PSD2: variants seen among roughly 807,000 people sequenced by gnomAD.
The protein encoded by PSD2 is pleckstrin and Sec7 domain containing 2.
In PSD2, 38 loss-of-function variants were observed where a neutral mutation model predicts 69.8. The ratio of observed to expected loss-of-function variants is 0.54; its 90% CI spans 0.42 to 0.71. The LOEUF is 0.71. Among genes scored for constraint, PSD2 ranks in the 30% least tolerant of loss-of-function variants. PSD2 has a pLI of 0.00. For missense variants in PSD2, 943 were observed against 1,014.5 expected (o/e 0.93, Z 0.96); for synonymous variants, 412 against 423.0 (o/e 0.97, Z 0.32).
chr5:139,771,513 G>C, the PSD2 span, among the ~76,000 whole-genome samples: 1 of 152,136 alleles, frequency 6.6e-6, no homozygotes, highest in South Asian at 2.1e-4. Flanking sequence ...CGAGTAGCTG[G>C]GACTACAGGC....
At chr5:139,802,422 G>T (rs1488817227) in intron 1 of PSD2, among the ~76,000 whole-genome samples, 3 of 151,954 alleles carry the variant, frequency 2.0e-5, no homozygotes, top group Non-Finnish European at 4.4e-5. Context: ...AGGCTGGGCT[G>T]GTTGGGAGGA....
chr5:139,840,344 G>A lies in PSD2; in HGVS notation c.2112+174G>A, dbSNP rs538731113. 3.9e-5 allele frequency among the ~76,000 whole-genome samples: 6 copies of A among 152,328 alleles called. No individual in the cohort carries two copies. The East Asian group carries it at 1.2e-3, about 29-fold the overall frequency. On this transcript the variant is annotated intron_variant, in intron 14 of 14. Coordinates refer to ENST00000274710, the MANE Select transcript of PSD2 (RefSeq NM_032289.4). ...AGTCCCCAGTCCTTCCAGAGTGCCA[G>A]CCTTCCCTGACAGCAGTGAGGGGCA... is the stretch of plus-strand genomic sequence containing the variant.
the PSD2 span, among the ~76,000 whole-genome samples, chr5:139,790,575 G>A: frequency 1.3e-5 from 2 of 152,216 alleles, no homozygotes; most frequent in African/African-American, 4.8e-5. Context: ...AAACATGACA[G>A]TGAGGAGTCC....
the PSD2 span, among the ~76,000 whole-genome samples, chr5:139,750,758 G>A: frequency 6.6e-6 from 1 of 152,178 alleles, no homozygotes; most frequent in Admixed American, 6.5e-5. Context: ...AGGAACCCTT[G>A]TGGGGCCTGG....
chr5:139,785,447 C>A, the PSD2 span, among the ~76,000 whole-genome samples: 1 of 152,172 alleles, frequency 6.6e-6, no homozygotes, highest in African/African-American at 2.4e-5. Flanking sequence ...TGGTCTTGAA[C>A]TTCTGACCTC....
chr5:139,822,958 A>G (rs1760310106), intron 7 of PSD2, among the ~76,000 whole-genome samples, 174 bp downstream of exon 7: 1 of 152,012 alleles, frequency 6.6e-6, no homozygotes, highest in Non-Finnish European at 1.5e-5. Context: ...TCCACCTGTG[A>G]TCCACCTGAG....
chr5:139,813,821 GCAAA>G, intron 3 of PSD2, 63 bp downstream of exon 3: 2 of 1,425,906 alleles, frequency 1.4e-6, no homozygotes, highest in Non-Finnish European at 1.9e-6. Context: ...CCCAGAGGGG[GCAAA>G]GCAGGTTAGG....
chr5:139,811,292 G>A (rs1470697885), intron 2 of PSD2, among the ~76,000 whole-genome samples: 1 of 152,116 alleles, frequency 6.6e-6, no homozygotes, highest in African/African-American at 2.4e-5. Flanking sequence ...GAGTGGGAGT[G>A]CCTTCTCCAG....
intron 8 of PSD2, among the ~76,000 whole-genome samples, chr5:139,834,549 C>T (rs1760670847): frequency 6.6e-6 from 1 of 151,930 alleles, no homozygotes; most frequent in Non-Finnish European, 1.5e-5. Flanking sequence ...AATCCTCACA[C>T]CTCAGCCTCC....
upstream of PSD2, among the ~76,000 whole-genome samples, chr5:139,791,175 A>C (rs1581701381): frequency 6.6e-6 from 1 of 152,252 alleles, no homozygotes; most frequent in East Asian, 1.9e-4. Flanking sequence ...CACACCTGTA[A>C]TCCTAGCACT....
intron 1 of PSD2, among the ~76,000 whole-genome samples, chr5:139,805,004 TGTGTGTGA>T (rs932163887): frequency 3.3e-5 from 5 of 151,244 alleles, no homozygotes; most frequent in African/African-American, 1.2e-4. Context: ...TGTCTCTGTG[TGTGTGTGA>T]GTGTGTGCGT....
At chr5:139,757,444 A>G in the PSD2 span, among the ~76,000 whole-genome samples, 3 of 152,192 alleles carry the variant, frequency 2.0e-5, no homozygotes, top group Admixed American at 6.5e-5. Context: ...TGTAGTGTGG[A>G]TGGGTGTTTT....
In PSD2 at chr5:139,814,510, G is replaced by A; in HGVS notation, c.1016+146G>A. The stretch of plus-strand genomic sequence containing the variant: ...CCCAAGGACACCTCCTCCCGCCACT[G>A]TCCTCATTCCTGGCCTCGCCCTAAA... On this transcript the variant is annotated intron_variant, in intron 4 of 14. Transcript: ENST00000274710. The surrounding 1 kb of genome is among the most constrained non-coding windows in gnomAD (Gnocchi z 4.4). 3 of 704,512 alleles carry A rather than the reference G, an allele frequency of 4.3e-6. No homozygotes were observed. The highest frequency in any genetic ancestry group is 3.5e-5 in the Admixed American group (1 of 28,810). The allele number at this position is 704,512 out of a possible 1,614,324, so 43.6% of individuals were successfully genotyped here. A position where few individuals can be genotyped will look rare whatever the true frequency, so the allele number is the denominator to read the frequency against.
At position 139,809,545 on chromosome 5, in the gene PSD2, C is replaced by T; in HGVS notation, c.105C>T (p.Ala35=). ...EEEPGVRNGM[A]SEGLNSSLCS... is the part of the protein sequence containing the mutation. ...AGCCAGGGGTCCGGAATGGGATGGCCAGTGAGGGCCTGAACAGCAGCCTCT... is the reference window on the plus strand; with the variant it reads ...AGCCAGGGGTCCGGAATGGGATGGCTAGTGAGGGCCTGAACAGCAGCCTCT... The change falls in exon 2 of 15, where the codon GCC becomes GCT. Residue 35 remains alanine (A), a synonymous_variant. Coordinates refer to ENST00000274710, the MANE Select transcript of PSD2 (RefSeq NM_032289.4). 6.2e-7 allele frequency: 1 copy of T among 1,613,690 alleles called. No homozygotes were observed. Among genetic ancestry groups the T allele is most frequent in the South Asian group, 1.1e-5 (1 of 91,002 alleles).
chr5:139,819,510 G>A (rs1408128629), intron 5 of PSD2, among the ~76,000 whole-genome samples: 1 of 152,128 alleles, frequency 6.6e-6, no homozygotes, highest in Non-Finnish European at 1.5e-5. Flanking sequence ...GGGAAAAGTG[G>A]CCATGTGTTT....
the PSD2 span, among the ~76,000 whole-genome samples, chr5:139,773,171 C>T: frequency 6.6e-6 from 1 of 152,170 alleles, no homozygotes; most frequent in Non-Finnish European, 1.5e-5. Flanking sequence ...AAAACTGAAA[C>T]TCTGAACTCA....
At chr5:139,836,757 G>T in intron 9 of PSD2, 54 bp from the exon 10 acceptor site, 1 of 1,529,858 alleles carries the variant, frequency 6.5e-7, no homozygotes, top group South Asian at 1.2e-5. Context: ...AGGCCATGAC[G>T]ATGCGGGGCC....
intron 1 of PSD2, among the ~76,000 whole-genome samples, chr5:139,807,912 G>T (rs779238761): frequency 1.3e-5 from 2 of 152,202 alleles, no homozygotes; most frequent in Non-Finnish European, 1.5e-5. Context: ...CTTCTGGTTC[G>T]GGAGGTCTGG....
rs899549886 is a variant in PSD2, at chr5:139,839,734, G to A, written c.1969-293G>A. On this transcript the variant is annotated intron_variant, in intron 13 of 14. Coordinates refer to ENST00000274710, the MANE Select transcript of PSD2 (RefSeq NM_032289.4). The surrounding 1 kb of genome is among the most constrained non-coding windows in gnomAD (Gnocchi z 5.1). Reference sequence around the variant, plus strand: ...TGGGGGTCATTGTGTGTCTGTGTCAGGGACTGTCTATGTGCACATATAAGT... The same window carrying A: ...TGGGGGTCATTGTGTGTCTGTGTCAAGGACTGTCTATGTGCACATATAAGT... Among the ~76,000 whole-genome samples the A allele has an allele frequency of 1.3e-5, 2 of 152,226 alleles. No homozygotes were observed. Among genetic ancestry groups the A allele is most frequent in the African/African-American group, 4.8e-5 (2 of 41,450 alleles).
Sources: gnomAD v4.1 joint callset for allele counts (sites outside exome capture counted in the v4.1 genomes callset) on GRCh38, gnomAD v4.1.1 for gene constraint, Gnocchi (gnomAD v3.1) non-coding constraint, MANE v1.5 for transcripts, NCBI Gene and HGNC (gene_info 2026-07-23, HGNC 2026-07-21) for gene names.